The following CDHR3 variants were observed in gnomAD, a reference collection of about 807,000 sequenced individuals.
The protein encoded by CDHR3 is cadherin-related family member 3.
In CDHR3, 79 loss-of-function variants were observed where a neutral mutation model predicts 86.6. That is an observed-to-expected ratio of 0.91 (90% CI 0.76 to 1.10). CDHR3 has a LOEUF of 1.10. Among genes scored for constraint, CDHR3 ranks in the 50% least tolerant of loss-of-function variants. CDHR3 has a pLI of 0.00. For missense variants in CDHR3, 1,081 were observed against 1,077.6 expected (o/e 1.00, Z -0.04); for synonymous variants, 421 against 402.4 (o/e 1.05, Z -0.55).
intron 4 of CDHR3, among the ~76,000 whole-genome samples, chr7:105,987,441 A>C (rs1161661373): frequency 6.6e-6 from 1 of 152,264 alleles, no homozygotes; most frequent in African/African-American, 2.4e-5. Flanking sequence ...ATAACAGTTT[A>C]GGACATAACA....
Position 106,022,211 on chromosome 7 carries a change from T to G in CDHR3, c.1839T>G (p.Asn613Lys), listed in dbSNP as rs1245404450. Residue 613 changes from asparagine to lysine, a missense_variant, in exon 14 of 19, where the codon AAT becomes AAG. Asn to Lys is a moderately conservative substitution (Grantham distance 94, BLOSUM62 0). Transcript: ENST00000317716. ...RYSIGPGNVN[N>K]HFTFSPNAGS... is the part of the protein sequence containing the mutation. The stretch of plus-strand genomic sequence containing the variant: ...AATCTCATTTAGGTAACGTCAACAA[T>G]CATTTCACCTTCTCTCCCAATGCTG... 1.2e-6 allele frequency: 2 copies of G among 1,614,016 alleles called. No individual in the cohort carries two copies. Among genetic ancestry groups the G allele is most frequent in the Non-Finnish European group, 1.7e-6 (2 of 1,179,898 alleles).
intron 8 of CDHR3, 23 bp downstream of exon 8, chr7:106,004,710 G>C: frequency 6.2e-7 from 1 of 1,612,976 alleles, no homozygotes; most frequent in Non-Finnish European, 8.5e-7. Flanking sequence ...TGAAAGTTGG[G>C]CTGGACATTC....
At chr7:105,982,290 A>C (rs184628496) in intron 3 of CDHR3, among the ~76,000 whole-genome samples, 2,037 of 151,948 alleles carry the variant, frequency 0.013, 18 homozygotes, top group Non-Finnish European at 0.02. Context: ...AACATGGTGA[A>C]ACCCCATCTC....
intron 14 of CDHR3, 101 bp from the exon 15 acceptor site, chr7:106,024,280 A>G: frequency 9.9e-7 from 1 of 1,005,402 alleles, no homozygotes. Flanking sequence ...ATAGAGCAAT[A>G]ACAATAACAA....
intron 2 of CDHR3, among the ~76,000 whole-genome samples, chr7:105,976,574 A>C (rs1828845016): frequency 6.6e-6 from 1 of 152,218 alleles, no homozygotes; most frequent in Non-Finnish European, 1.5e-5. Flanking sequence ...TCATCACCCC[A>C]AAACAAAACC....
rs200585571 is a variant in CDHR3, at chr7:106,024,556, A to C, written c.2252A>C (p.Glu751Ala). 1.0e-3 allele frequency: 1,625 copies of C among 1,613,966 alleles called. 3 individuals carry two copies. Among genetic ancestry groups the C allele is most frequent in the Non-Finnish European group, 1.3e-3 (1,566 of 1,179,856 alleles). The stretch of plus-strand genomic sequence containing the variant: ...CCCTGCAAGACTGGGAAGAACAAGG[A>C]ACCTCTGTAAGTTGCCAGTGGGCTG... ...HCPCKTGKNK[E>A]PLTKKGETKT... The change falls in exon 15 of 19, where the codon GAA (glutamate) becomes GCA (alanine). Residue 751 changes from glutamate (E) to alanine (A), a missense_variant. Glu to Ala is a moderately radical substitution (Grantham distance 107). Transcript: ENST00000317716.
chr7:105,994,241 G>T (rs1160292512), intron 4 of CDHR3, among the ~76,000 whole-genome samples: 2 of 148,714 alleles, frequency 1.3e-5, no homozygotes, highest in African/African-American at 2.6e-5. Context: ...TATTAAATAG[G>T]TAATAGGTAT....
At chr7:106,029,880 C>T (rs150968267) in intron 17 of CDHR3, among the ~76,000 whole-genome samples, 86 of 152,272 alleles carry the variant, frequency 5.6e-4, no homozygotes, top group African/African-American at 2.0e-3. Context: ...TGCCACTTAG[C>T]GATTGCTCTA....
At chr7:106,000,076 C>T (rs970287004) in intron 6 of CDHR3, among the ~76,000 whole-genome samples, 3 of 152,260 alleles carry the variant, frequency 2.0e-5, no homozygotes, top group Non-Finnish European at 1.5e-5. Flanking sequence ...CTCCTGCCAT[C>T]CCACCTCTTT....
chr7:105,986,397 A>G (rs1026001201), intron 4 of CDHR3, among the ~76,000 whole-genome samples: 6 of 152,232 alleles, frequency 3.9e-5, no homozygotes, highest in Non-Finnish European at 5.9e-5. Flanking sequence ...CATTGACCTC[A>G]GGAAGCGTAA....
intron 7 of CDHR3, among the ~76,000 whole-genome samples, chr7:106,003,632 C>T (rs1359274224): frequency 6.6e-6 from 1 of 152,170 alleles, no homozygotes; most frequent in Non-Finnish European, 1.5e-5. Flanking sequence ...GGCCTGTCCT[C>T]TTAACCACTA....
At chr7:105,969,062 C>G (rs369988987) in intron 1 of CDHR3, among the ~76,000 whole-genome samples, 1 of 146,024 alleles carries the variant, frequency 6.8e-6, no homozygotes, top group East Asian at 2.1e-4. Context: ...CACTCCAGCC[C>G]GGGGGACAGA....
rs995559747 is a variant in CDHR3 at position 106,035,297 on chromosome 7, G to T, written c.*2600G>T. Among the ~76,000 whole-genome samples, 2 of 152,082 alleles carry T rather than the reference G, an allele frequency of 1.3e-5. No homozygotes were observed. Among genetic ancestry groups the T allele is most frequent in the African/African-American group, 4.8e-5 (2 of 41,400 alleles). On this transcript the variant is annotated 3_prime_UTR_variant, in exon 19 of 19. Transcript: ENST00000317716. ...GGAAGAGCTGAGTGTCTTCCTAGTCGCAAGGCAAGCCTCGAGAAACTCAAG... is the reference window on the plus strand; with the variant it reads ...GGAAGAGCTGAGTGTCTTCCTAGTCTCAAGGCAAGCCTCGAGAAACTCAAG...
chr7:106,022,445 C>G lies in CDHR3; in HGVS notation c.2073C>G (p.Pro691=). The part of the protein sequence containing the change: ...PHPTTIITTT[P]RPRVTYQVLR... ...CAACCACTATCATCACCACGACCCC[C>G]AGGGTAAGGGCTTTAGGACCTGGAA... Residue 691 remains proline (P), a synonymous_variant, in exon 14 of 19, where the codon CCC becomes CCG. Coordinates refer to ENST00000317716, the MANE Select transcript of CDHR3 (RefSeq NM_152750.5). The G allele has an allele frequency of 1.9e-6, 3 of 1,613,538 alleles. No individual in the cohort carries two copies. Among genetic ancestry groups the G allele is most frequent in the Non-Finnish European group, 2.5e-6 (3 of 1,179,544 alleles).
intron 6 of CDHR3, 117 bp from the exon 7 acceptor site, chr7:106,001,345 T>C (rs1291917993): frequency 9.2e-7 from 1 of 1,086,848 alleles, no homozygotes; most frequent in South Asian, 1.6e-5. Flanking sequence ...TCTGAGCATG[T>C]TGATGCAACT....
chr7:105,996,320 G>A lies in CDHR3; in HGVS notation c.679G>A (p.Val227Met), dbSNP rs375566112. The A allele has an allele frequency of 3.2e-5, 51 of 1,597,642 alleles. No individual in the cohort carries two copies. Among genetic ancestry groups the A allele is most frequent in the African/African-American group, 9.4e-5 (7 of 74,652 alleles). Residue 227 changes from valine to methionine, a missense_variant, in exon 6 of 19, where the codon GTG becomes ATG. Physicochemically the swap from Val to Met is conservative, Grantham distance 21. Coordinates refer to ENST00000317716, the MANE Select transcript of CDHR3 (RefSeq NM_152750.5). ...KASTELQVNIVNLNDEVPRFT... is the reference protein window; with the variant it reads ...KASTELQVNIMNLNDEVPRFT... ...CTCCACAGAGCTCCAGGTGAACATC[G>A]TGAACCTCAACGACGAAGTCCCTCG...
intron 14 of CDHR3, among the ~76,000 whole-genome samples, chr7:106,023,272 TTTTCAATCAGCC>T (rs779967908): frequency 6.6e-6 from 1 of 152,192 alleles, no homozygotes; most frequent in Non-Finnish European, 1.5e-5. Context: ...GTGAGCTGTG[TTTTCAATCAGCC>T]TTTCAGGGAA....
chr7:105,980,623 A>ATTT (rs55880404), intron 2 of CDHR3, among the ~76,000 whole-genome samples: 45 of 108,008 alleles, frequency 4.2e-4, no homozygotes, highest in South Asian at 5.8e-4. Context: ...TTTTTTTTTA[A>ATTT]TTTTTTTTTT....
At chr7:105,985,378 T>C (rs755770346) in intron 4 of CDHR3, among the ~76,000 whole-genome samples, 3 of 152,154 alleles carry the variant, frequency 2.0e-5, no homozygotes, top group Non-Finnish European at 2.9e-5. Flanking sequence ...CCCACTAACC[T>C]TGGAGCAGGA....
Sources: allele counts gnomAD v4.1 joint callset (sites outside exome capture counted in the v4.1 genomes callset), GRCh38; gene constraint gnomAD v4.1.1; transcripts MANE v1.5; gene names NCBI Gene and HGNC (gene_info 2026-07-23, HGNC 2026-07-21).